ATRNL1: variants seen among roughly 807,000 people sequenced by gnomAD.
ATRNL1 encodes the protein attractin like 1.
Under a neutral mutation model 182.7 loss-of-function variants are expected in ATRNL1, and 95 were observed. The ratio of observed to expected loss-of-function variants is 0.52; its 90% CI spans 0.44 to 0.62. ATRNL1 has a LOEUF of 0.62. ATRNL1 is among the 20% of genes least tolerant of loss of function. The pLI, the probability that ATRNL1 is intolerant of heterozygous loss-of-function variation, is 0.00. For synonymous variants in ATRNL1, 576 were observed against 568.3 expected (o/e 1.01, Z -0.19); for missense variants, 1,471 against 1,679.5 (o/e 0.88, Z 2.17).
chr10:115,937,435 C>T (rs1953594931), intron 28 of ATRNL1, among the ~76,000 whole-genome samples: 1 of 152,264 alleles, frequency 6.6e-6, no homozygotes, highest in Admixed American at 6.5e-5. Flanking sequence ...GAAGTTTTTC[C>T]ATTTTTGTTC....
chr10:115,721,111 C>A (rs536623049), intron 26 of ATRNL1, among the ~76,000 whole-genome samples: 1 of 152,172 alleles, frequency 6.6e-6, no homozygotes, highest in East Asian at 1.9e-4. Flanking sequence ...CTGTGATCTG[C>A]AGTTTGAGGA....
chr10:115,452,122 G>A, intron 21 of ATRNL1, among the ~76,000 whole-genome samples: 1 of 152,118 alleles, frequency 6.6e-6, no homozygotes, highest in East Asian at 1.9e-4. Flanking sequence ...TGGAGAATGG[G>A]AAGCGGGAGA....
chr10:115,652,641 G>T (rs1555034641), intron 26 of ATRNL1, among the ~76,000 whole-genome samples: 1 of 152,008 alleles, frequency 6.6e-6, no homozygotes, highest in African/African-American at 2.4e-5. Context: ...GCACCTTAAA[G>T]AAGCAGTATA....
chr10:115,541,968 T>G (rs545956404), intron 25 of ATRNL1, among the ~76,000 whole-genome samples: 1 of 152,298 alleles, frequency 6.6e-6, no homozygotes, highest in African/African-American at 2.4e-5. Context: ...TTCAAAATAA[T>G]TAAAATTTTT....
chr10:115,351,855 C>G (rs141809189), intron 19 of ATRNL1, among the ~76,000 whole-genome samples: 241 of 152,148 alleles, frequency 1.6e-3, no homozygotes, highest in African/African-American at 5.5e-3. Flanking sequence ...AGAGTGTTCT[C>G]TCATCCTTGA....
chr10:115,494,870 G>A (rs1849469632), intron 24 of ATRNL1, among the ~76,000 whole-genome samples: 1 of 152,126 alleles, frequency 6.6e-6, no homozygotes, highest in African/African-American at 2.4e-5. Flanking sequence ...GAGTTAGAGA[G>A]GAGTCCCTCC....
chr10:115,337,855 C>T (rs1554937193), intron 19 of ATRNL1, among the ~76,000 whole-genome samples: 8 of 151,810 alleles, frequency 5.3e-5, no homozygotes, highest in African/African-American at 2.4e-5. Flanking sequence ...AATTTTTCCA[C>T]GGATGGGGTG....
intron 1 of ATRNL1, among the ~76,000 whole-genome samples, chr10:115,102,906 T>C (rs12255157): frequency 0.025 from 3,805 of 152,276 alleles, 158 homozygotes; most frequent in African/African-American, 0.086. Flanking sequence ...TTGAGGAGAA[T>C]TGATATGTAA....
chr10:115,358,620 T>TA (rs1856605421), intron 19 of ATRNL1, among the ~76,000 whole-genome samples: 1 of 151,654 alleles, frequency 6.6e-6, no homozygotes, highest in African/African-American at 2.4e-5. Context: ...TTAGTATACC[T>TA]ATTTTAGTTA....
chr10:115,246,860 A>G lies in ATRNL1; in HGVS notation c.1687+5135A>G, dbSNP rs1430435480. Among the ~76,000 whole-genome samples the G allele has an allele frequency of 1.3e-5, 2 of 152,042 alleles. 1 individual carries two copies. The highest frequency in any genetic ancestry group is 2.9e-5 in the Non-Finnish European group (2 of 68,014). On this transcript the variant is annotated intron_variant, in intron 10 of 28. Coordinates refer to ENST00000355044, the MANE Select transcript of ATRNL1 (RefSeq NM_207303.4). Reference sequence around the variant, plus strand: ...CAGGCGTGAGCCACCGCGCCCGGCCATCTCTCTCATTCTTAACAAGTCTGT... The same window carrying G: ...CAGGCGTGAGCCACCGCGCCCGGCCGTCTCTCTCATTCTTAACAAGTCTGT...
intron 7 of ATRNL1, among the ~76,000 whole-genome samples, chr10:115,168,374 T>A (rs1347683076): frequency 6.6e-6 from 1 of 152,128 alleles, no homozygotes; most frequent in Non-Finnish European, 1.5e-5. Flanking sequence ...AAATTCACTT[T>A]TTGAAGAACT....
chr10:115,700,616 G>A (rs996391150), intron 26 of ATRNL1, among the ~76,000 whole-genome samples: 24 of 151,982 alleles, frequency 1.6e-4, no homozygotes, highest in African/African-American at 5.3e-4. Context: ...TGGCTGCATA[G>A]CTTGTGAATA....
At chr10:115,195,030 G>C (rs1188672334) in intron 8 of ATRNL1, among the ~76,000 whole-genome samples, 3 of 151,782 alleles carry the variant, frequency 2.0e-5, no homozygotes, top group Admixed American at 6.6e-5. Flanking sequence ...ACTTTTTATT[G>C]TCTATATTTA....
chr10:115,625,748 A>G (rs1482159484), intron 26 of ATRNL1, among the ~76,000 whole-genome samples: 3 of 152,070 alleles, frequency 2.0e-5, no homozygotes, highest in Non-Finnish European at 2.9e-5. Context: ...CATTCATGCA[A>G]TTTAATCAAG....
chr10:115,327,238 GA>G lies in ATRNL1; in HGVS notation c.3038-7036del, dbSNP rs782058002. On this transcript the variant is annotated intron_variant, in intron 18 of 28. Transcript: ENST00000355044. ...ACAATGAACTCAAACAAATTTACAA[GA>G]AAAAAAACAAACAACCCCATCAAAA... Among the ~76,000 whole-genome samples the G allele has an allele frequency of 2.1e-4, 30 of 146,158 alleles. No homozygotes were observed. In the East Asian group the frequency reaches 3.6e-3, roughly 18 times the overall value.
chr10:115,387,627 C>G (rs1858439190), intron 19 of ATRNL1, among the ~76,000 whole-genome samples: 1 of 152,184 alleles, frequency 6.6e-6, no homozygotes, highest in Admixed American at 6.5e-5. Flanking sequence ...AGCTACAAAT[C>G]TGCTTTCAGA....
intron 28 of ATRNL1, among the ~76,000 whole-genome samples, chr10:115,896,383 C>G (rs782603474): frequency 6.8e-6 from 1 of 146,258 alleles, no homozygotes; most frequent in Non-Finnish European, 1.6e-5. Context: ...AAAGAAAAAA[C>G]TGAATTTTTT....
chr10:115,707,940 G>A (rs1391323009), intron 26 of ATRNL1, among the ~76,000 whole-genome samples: 4 of 151,632 alleles, frequency 2.6e-5, no homozygotes, highest in Non-Finnish European at 5.9e-5. Flanking sequence ...CAAACCAGTG[G>A]CATTCTCTTA....
intron 21 of ATRNL1, 110 bp downstream of exon 21, chr10:115,426,412 A>G (rs934001054): frequency 2.6e-5 from 18 of 694,902 alleles, no homozygotes; most frequent in Non-Finnish European, 4.3e-5. Flanking sequence ...TGCAATTTCT[A>G]TTTCTTAAAT....
Sources: gnomAD v4.1 joint callset for allele counts (sites outside exome capture counted in the v4.1 genomes callset) on GRCh38, gnomAD v4.1.1 for gene constraint, MANE v1.5 for transcripts, NCBI Gene and HGNC (gene_info 2026-07-23, HGNC 2026-07-21) for gene names.